The following TTBK2 variants were observed in gnomAD, a reference collection of about 807,000 sequenced individuals.
TTBK2 encodes the protein tau-tubulin kinase 2.
A neutral mutation model predicts 110.8 loss-of-function variants in TTBK2; 28 were observed. The observed-to-expected ratio is 0.25, with a 90% confidence interval of 0.19 to 0.35. TTBK2 has a LOEUF of 0.35. TTBK2 is among the 10% of genes least tolerant of loss of function. The probability of loss-of-function intolerance (pLI) is 1.00; values close to 1 mark genes in which losing one functional copy is unlikely to be tolerated. For missense variants in TTBK2, 1,369 were observed against 1,500.3 expected (o/e 0.91, Z 1.45); for synonymous variants, 532 against 527.3 (o/e 1.01, Z -0.12).
intron 13 of TTBK2, among the ~76,000 whole-genome samples, chr15:42,763,201 T>G (rs1484546815): frequency 4.2e-5 from 1 of 24,042 alleles, no homozygotes; most frequent in African/African-American, 2.7e-4. Flanking sequence ...TATTTTTTTT[T>G]TTTTTTTTTT....
intron 9 of TTBK2, 28 bp downstream of exon 9, chr15:42,810,586 A>C: frequency 1.9e-6 from 3 of 1,612,904 alleles, no homozygotes; most frequent in Non-Finnish European, 2.5e-6. Context: ...GAAAATAACT[A>C]ACCCACAGAA....
chr15:42,778,582 C>G (rs939331012), intron 11 of TTBK2, among the ~76,000 whole-genome samples: 1 of 152,106 alleles, frequency 6.6e-6, no homozygotes, highest in African/African-American at 2.4e-5. Flanking sequence ...GCAGGAGAAT[C>G]ACTTGAACCC....
intron 6 of TTBK2, among the ~76,000 whole-genome samples, chr15:42,817,577 C>A (rs950905998): frequency 1.3e-5 from 2 of 152,120 alleles, no homozygotes; most frequent in Admixed American, 6.5e-5. Flanking sequence ...TTGTACCCTA[C>A]CTCCATATGC....
chr15:42,887,437 T>A (rs956103896), intron 1 of TTBK2, among the ~76,000 whole-genome samples: 2 of 152,088 alleles, frequency 1.3e-5, no homozygotes, highest in African/African-American at 4.8e-5. Context: ...TAAAACCTAA[T>A]CACCCTTACC....
chr15:42,838,498 G>A (rs1270041887), intron 4 of TTBK2, among the ~76,000 whole-genome samples: 1 of 151,722 alleles, frequency 6.6e-6, no homozygotes, highest in Non-Finnish European at 1.5e-5. Context: ...CTGCTCCCTC[G>A]ACCTAACTCC....
chr15:42,816,854 G>A (rs1444106206), intron 7 of TTBK2, among the ~76,000 whole-genome samples, 178 bp downstream of exon 7: 1 of 151,948 alleles, frequency 6.6e-6, no homozygotes, highest in Non-Finnish European at 1.5e-5. Flanking sequence ...GGGAGGCAGA[G>A]GTTGCGGTGA....
intron 10 of TTBK2, among the ~76,000 whole-genome samples, chr15:42,793,076 G>C (rs917298534): frequency 2.0e-5 from 3 of 152,172 alleles, no homozygotes; most frequent in African/African-American, 7.2e-5. Context: ...ATTTACTTCA[G>C]TGTTAGGATT....
intron 3 of TTBK2, among the ~76,000 whole-genome samples, chr15:42,867,254 A>AG (rs1234949414): frequency 3.3e-5 from 5 of 151,390 alleles, no homozygotes; most frequent in African/African-American, 1.2e-4. Flanking sequence ...TCAAAAAAAA[A>AG]AAAAAAGAAA....
chr15:42,896,134 C>T (rs1421645547), intron 1 of TTBK2, among the ~76,000 whole-genome samples: 1 of 151,612 alleles, frequency 6.6e-6, no homozygotes, highest in Non-Finnish European at 1.5e-5. Context: ...TTCGAGACCA[C>T]CCTGACCAAC....
At position 42,866,077 on chromosome 15, in the gene TTBK2, G is replaced by T. The variant is rs894624854; in HGVS notation, c.217+6534C>A. On this transcript the variant is annotated intron_variant, in intron 3 of 14. Coordinates refer to ENST00000267890, the MANE Select transcript of TTBK2 (RefSeq NM_173500.4). ...TTATATACCATACTAATACTCAAAA[G>T]AAAGTAAATATTGCTATATTAATTT... is the stretch of plus-strand genomic sequence containing the variant. 5.9e-5 allele frequency among the ~76,000 whole-genome samples: 9 copies of T among 152,054 alleles called. No homozygotes were observed. In the East Asian group the frequency reaches 1.7e-3, roughly 29 times the overall value.
intron 3 of TTBK2, among the ~76,000 whole-genome samples, chr15:42,844,028 T>C (rs1229152569): frequency 6.6e-6 from 1 of 152,080 alleles, no homozygotes; most frequent in Non-Finnish European, 1.5e-5. Context: ...TGTCAAATTC[T>C]CAGGGAGGCA....
chr15:42,901,127 G>A (rs1303932893), intron 1 of TTBK2, among the ~76,000 whole-genome samples: 4 of 152,104 alleles, frequency 2.6e-5, no homozygotes, highest in Non-Finnish European at 5.9e-5. Flanking sequence ...TTGGGAGGCC[G>A]AGGCAGGTGG....
intron 3 of TTBK2, among the ~76,000 whole-genome samples, chr15:42,846,937 G>C (rs1893492434): frequency 6.6e-6 from 1 of 152,194 alleles, no homozygotes. Context: ...AGAGGGCACA[G>C]AAGCTCCCCA....
intron 13 of TTBK2, among the ~76,000 whole-genome samples, chr15:42,765,113 T>C (rs1454852321): frequency 1.3e-5 from 2 of 152,082 alleles, no homozygotes; most frequent in East Asian, 3.9e-4. Flanking sequence ...GCCACCATCA[T>C]CAAAGACCAA....
intron 11 of TTBK2, among the ~76,000 whole-genome samples, chr15:42,779,302 G>A (rs535008204): frequency 3.3e-5 from 5 of 151,882 alleles, no homozygotes; most frequent in Non-Finnish European, 2.9e-5. Context: ...CCGGCTACTC[G>A]GGAGGCTGAG....
At chr15:42,838,008 T>C (rs1230909593) in intron 4 of TTBK2, among the ~76,000 whole-genome samples, 1 of 151,712 alleles carries the variant, frequency 6.6e-6, no homozygotes, top group Non-Finnish European at 1.5e-5. Context: ...AGGAGTTTAA[T>C]GCCAGCCTGG....
intron 1 of TTBK2, among the ~76,000 whole-genome samples, chr15:42,898,112 A>G (rs2141181618): frequency 6.6e-6 from 1 of 152,294 alleles, no homozygotes; most frequent in East Asian, 1.9e-4. Flanking sequence ...TGTCGAGGCT[A>G]ACTGCTTATG....
At chr15:42,885,230 A>G (rs1489307731) in intron 1 of TTBK2, among the ~76,000 whole-genome samples, 2 of 152,234 alleles carry the variant, frequency 1.3e-5, no homozygotes, top group Non-Finnish European at 2.9e-5. Flanking sequence ...TCGGGAGACC[A>G]GTCCCCTGTC....
intron 3 of TTBK2, among the ~76,000 whole-genome samples, chr15:42,863,008 G>C (rs895545214): frequency 5.9e-5 from 9 of 152,102 alleles, no homozygotes; most frequent in Non-Finnish European, 1.2e-4. Flanking sequence ...ACTGGAATAA[G>C]ACAAGGATGC....
Sources: allele counts gnomAD v4.1 joint callset (sites outside exome capture counted in the v4.1 genomes callset), GRCh38; gene constraint gnomAD v4.1.1; transcripts MANE v1.5; gene names NCBI Gene and HGNC (gene_info 2026-07-23, HGNC 2026-07-21).